Variants in NYX observed in about 807,000 individuals in gnomAD.
NYX encodes the protein leucine-rich repeat protein.
For synonymous variants in NYX, 258 were observed against 245.7 expected (o/e 1.05, Z -0.47); for missense variants, 481 against 485.4 (o/e 0.99, Z 0.09).
intron 2 of NYX, chrX:41,472,205 G>A (rs1213743563): frequency 6.2e-6 from 4 of 644,091 alleles, no homozygotes; most frequent in Non-Finnish European, 9.3e-6. Flanking sequence ...CGGGAACATT[G>A]GGAGGCCTGG....
intron 2 of NYX, among the ~76,000 whole-genome samples, chrX:41,455,348 C>T (rs937804307): frequency 2.7e-5 from 3 of 110,002 alleles, no homozygotes; most frequent in African/African-American, 9.9e-5. Flanking sequence ...CTCAGGTGAT[C>T]TGCCTGCCTC....
In NYX at chrX:41,447,456, G is replaced by A. The variant is rs2064262019; in HGVS notation, c.-117G>A. 2 of 130,386 alleles carry A rather than the reference G, an allele frequency of 1.5e-5. No homozygotes were observed. Among genetic ancestry groups the A allele is most frequent in the African/African-American group, 3.3e-5 (1 of 30,711 alleles). 10.7% of individuals were successfully genotyped at this position (130,386 alleles called of 1,213,427 possible). On this transcript the variant is annotated 5_prime_UTR_variant, in exon 1 of 3. Transcript: ENST00000378220. ...CTGTGGCTGCCTGACTTGGGAGATG[G>A]ATGGGCTGAGGGAGTGGAGGGGGAC...
chrX:41,450,844 T>A (rs867176424), intron 2 of NYX, among the ~76,000 whole-genome samples: 2,223 of 89,420 alleles, frequency 0.025, 54 homozygotes, highest in Middle Eastern at 0.084. Flanking sequence ...TTTTTTTTTT[T>A]TTTTTTTTTT....
At chrX:41,470,979 G>A (rs181485562) in intron 2 of NYX, among the ~76,000 whole-genome samples, 84 of 111,346 alleles carry the variant, frequency 7.5e-4, no homozygotes, top group African/African-American at 2.4e-3. Context: ...ATTTCTCACG[G>A]CCCAATAATG....
chrX:41,455,251 G>A (rs1205092731), intron 2 of NYX, among the ~76,000 whole-genome samples: 1 of 109,313 alleles, frequency 9.1e-6, no homozygotes, highest in East Asian at 2.9e-4. Flanking sequence ...GATTACAGGC[G>A]CCCACCACCA....
intron 2 of NYX, among the ~76,000 whole-genome samples, chrX:41,453,296 CG>C (rs2064287530): frequency 9.0e-6 from 1 of 111,053 alleles, no homozygotes. Context: ...CCTTGCAGCT[CG>C]GGGGCTGGCC....
chrX:41,463,219 G>GGATTACAC (rs2064326273), intron 2 of NYX, among the ~76,000 whole-genome samples: 2 of 111,528 alleles, frequency 1.8e-5, no homozygotes, highest in East Asian at 5.6e-4. Flanking sequence ...CCTTGTCGTG[G>GGATTACAC]TCTACCTTGA....
Position 41,475,407 on chromosome X carries a change from A to C in NYX, c.*508A>C. On this transcript the variant is annotated 3_prime_UTR_variant, in exon 3 of 3. Transcript: ENST00000378220. ...AGGAAGGTAGGCAGGACGTGAGAGA[A>C]GGGAGATGGGAGAGAGATTTAAGAC... 7.8e-6 allele frequency: 1 copy of C among 128,318 alleles called. No homozygotes were observed. The highest frequency in any genetic ancestry group is 1.6e-5 in the Non-Finnish European group (1 of 63,190). 10.6% of individuals were successfully genotyped at this position (128,318 alleles called of 1,213,427 possible).
At chrX:41,467,573 C>T (rs985849039) in intron 2 of NYX, among the ~76,000 whole-genome samples, 1 of 109,286 alleles carries the variant, frequency 9.2e-6, no homozygotes. Context: ...AGGCTGGTCT[C>T]GAACTCCTGA....
Position 41,473,978 on chromosome X carries a change from G to A in NYX, c.510G>A (p.Pro170=). ...AAFDNLFRRV[P]GALRGLANLT... The stretch of plus-strand genomic sequence containing the variant: ...TCGACAACCTGTTCCGCCGCGTGCC[G>A]GGCGCGCTGCGCGGCCTGGCCAACC... Residue 170 remains proline (P), a synonymous_variant, in exon 3 of 3, where the codon CCG becomes CCA. Transcript: ENST00000378220. The A allele has an allele frequency of 1.9e-6, 2 of 1,078,324 alleles. No individual in the cohort carries two copies. Among genetic ancestry groups the A allele is most frequent in the Admixed American group, 3.5e-5 (1 of 28,200 alleles). The allele number at this position is 1,078,324 out of a possible 1,213,427, so 88.9% of individuals were successfully genotyped here.
intron 2 of NYX, among the ~76,000 whole-genome samples, chrX:41,465,364 C>A (rs777045572): frequency 2.7e-5 from 3 of 110,268 alleles, no homozygotes; most frequent in Non-Finnish European, 5.7e-5. Flanking sequence ...TGGCAGATCA[C>A]CTTGTTCCCT....
chrX:41,466,561 A>ATTT (rs60913904), intron 2 of NYX, among the ~76,000 whole-genome samples: 12 of 98,418 alleles, frequency 1.2e-4, no homozygotes, highest in African/African-American at 2.9e-4. Context: ...CTTTAAAACA[A>ATTT]TTTTTTTTTT....
intron 1 of NYX, 68 bp from the exon 2 acceptor site, chrX:41,447,781 G>GT: frequency 1.4e-6 from 1 of 738,008 alleles, no homozygotes; most frequent in South Asian, 2.2e-5. Flanking sequence ...AGGAAGAAGT[G>GT]TGGAGGCATG....
intron 2 of NYX, among the ~76,000 whole-genome samples, chrX:41,448,715 C>T (rs751062574): frequency 2.8e-5 from 3 of 108,034 alleles, no homozygotes; most frequent in South Asian, 4.1e-4. Context: ...CCTGCCACCA[C>T]GCCCAGCTAA....
chrX:41,448,839 C>T (rs1305795731), intron 2 of NYX, among the ~76,000 whole-genome samples: 1 of 111,171 alleles, frequency 9.0e-6, no homozygotes, highest in African/African-American at 3.3e-5. Context: ...GGATTGCAGG[C>T]ATGAACCACC....
In NYX at chrX:41,475,482, A is replaced by G. The variant is rs1360802641; in HGVS notation, c.*583A>G. 1 of 112,676 alleles carries G rather than the reference A, an allele frequency of 8.9e-6. No individual in the cohort carries two copies. Among genetic ancestry groups the G allele is most frequent in the Non-Finnish European group, 1.9e-5 (1 of 53,815 alleles). The allele number at this position is 112,676 out of a possible 1,213,427, so 9.3% of individuals were successfully genotyped here. A position where few individuals can be genotyped will look rare whatever the true frequency, so the allele number is the denominator to read the frequency against. ...TCTGAGATGTGTTAGGAGGCGTTTA[A>G]AACAAAGATCCAGTTCATTTACTCC... On this transcript the variant is annotated 3_prime_UTR_variant, in exon 3 of 3. Coordinates refer to ENST00000378220, the MANE Select transcript of NYX (RefSeq NM_001378477.3).
chrX:41,472,480 G>A (rs2064365455), intron 2 of NYX: 1 of 746,635 alleles, frequency 1.3e-6, no homozygotes, highest in Non-Finnish European at 2.1e-6. Context: ...GGGCGGCTCG[G>A]GCCCGCTGCT....
intron 2 of NYX, among the ~76,000 whole-genome samples, chrX:41,471,327 G>A (rs909673388): frequency 8.9e-6 from 1 of 111,789 alleles, no homozygotes; most frequent in Non-Finnish European, 1.9e-5. Context: ...GGCCAGGCTA[G>A]TCTTTAACTC....
chrX:41,462,672 G>C (rs1162317697), intron 2 of NYX, among the ~76,000 whole-genome samples: 2 of 111,921 alleles, frequency 1.8e-5, no homozygotes, highest in African/African-American at 6.5e-5. Flanking sequence ...CATTCTAATA[G>C]GTGGCTACTT....
Sources: gnomAD v4.1 joint callset for allele counts (sites outside exome capture counted in the v4.1 genomes callset) on GRCh38, gnomAD v4.1.1 for gene constraint, MANE v1.5 for transcripts, NCBI Gene and HGNC (gene_info 2026-07-23, HGNC 2026-07-21) for gene names.